Variants in PCCA observed in about 807,000 individuals in gnomAD.
The protein encoded by PCCA is propionyl-CoA carboxylase alpha chain, mitochondrial.
PCCA carries 74 observed loss-of-function variants against 101.3 expected under a neutral mutation model. The ratio of observed to expected loss-of-function variants is 0.73; its 90% CI spans 0.61 to 0.89. The LOEUF (loss-of-function observed/expected upper bound fraction) is 0.89, where lower values mean the gene tolerates loss of function less well. PCCA is among the 40% of genes least tolerant of loss of function. The probability of loss-of-function intolerance (pLI) is 0.00; values close to 1 mark genes in which losing one functional copy is unlikely to be tolerated. For synonymous variants in PCCA, 294 were observed against 313.6 expected, an observed-to-expected ratio of 0.94 and a Z score of 0.66; for missense variants, 891 against 907.0, an observed-to-expected ratio of 0.98 and a Z score of 0.23.
chr13:100,420,245 C>T (rs900359454), intron 19 of PCCA, among the ~76,000 whole-genome samples: 2 of 152,188 alleles, frequency 1.3e-5, no homozygotes, highest in African/African-American at 4.8e-5. Flanking sequence ...GCAAAACACT[C>T]ACTTTATAAT....
intron 8 of PCCA, among the ~76,000 whole-genome samples, chr13:100,239,861 C>T (rs1304531707): frequency 1.3e-5 from 2 of 152,198 alleles, no homozygotes; most frequent in East Asian, 3.9e-4. Context: ...TCAGGTCTAC[C>T]ATACTACAAA....
At chr13:100,333,590 C>T (rs967513492) in intron 17 of PCCA, among the ~76,000 whole-genome samples, 3 of 152,118 alleles carry the variant, frequency 2.0e-5, no homozygotes, top group Admixed American at 6.5e-5. Flanking sequence ...TGTTGAAAAG[C>T]GGTTTCCCTT....
At chr13:100,151,958 A>T (rs774086590) in intron 4 of PCCA, among the ~76,000 whole-genome samples, 2 of 140,552 alleles carry the variant, frequency 1.4e-5, no homozygotes, top group Non-Finnish European at 3.1e-5. Flanking sequence ...TAGCATCTGC[A>T]TTGCTTGAAT....
chr13:100,303,058 T>TAACA, intron 14 of PCCA, 60 bp downstream of exon 14: 1 of 943,282 alleles, frequency 1.1e-6, no homozygotes, highest in Non-Finnish European at 1.8e-6. Flanking sequence ...TGTCATACTT[T>TAACA]TATGTTAAAG....
rs2056659539 is a variant in PCCA, at chr13:100,180,168, G to GT, written c.468+22829dup. Among the ~76,000 whole-genome samples, 3 of 152,238 alleles carry GT rather than the reference G, an allele frequency of 2.0e-5. No homozygotes were observed. The South Asian group carries it at 6.2e-4, about 32-fold the overall frequency. On this transcript the variant is annotated intron_variant, in intron 6 of 23. Transcript: ENST00000376285. ...TAATGTGATGCACTTCTGTATCACTGTAACAACAGTGCATATCAGACTGAA... is the reference window on the plus strand; with the variant it reads ...TAATGTGATGCACTTCTGTATCACTGTTAACAACAGTGCATATCAGACTGAA...
chr13:100,483,534 T>G (rs562360453), intron 21 of PCCA, among the ~76,000 whole-genome samples: 14 of 152,328 alleles, frequency 9.2e-5, no homozygotes, highest in Non-Finnish European at 1.3e-4. Context: ...AAGTTAATAA[T>G]TGGTTCAGAA....
intron 18 of PCCA, among the ~76,000 whole-genome samples, chr13:100,346,904 C>T (rs1027902949): frequency 2.0e-5 from 3 of 151,744 alleles, no homozygotes; most frequent in Non-Finnish European, 4.4e-5. Context: ...GATGGAGTCT[C>T]GCTCTGTCGC....
intron 21 of PCCA, chr13:100,481,136 C>G (rs186739504): frequency 1.1e-4 from 17 of 152,316 alleles, no homozygotes; most frequent in Non-Finnish European, 1.9e-4. Context: ...TCTTAGCAAT[C>G]TCAGCATACT....
chr13:100,115,287 C>T (rs575398671), intron 4 of PCCA, among the ~76,000 whole-genome samples: 109 of 150,268 alleles, frequency 7.3e-4, no homozygotes, highest in African/African-American at 2.5e-3. Flanking sequence ...GTGTATGGAG[C>T]GGGAGGGGTG....
At chr13:100,273,806 C>T (rs966116196) in intron 12 of PCCA, among the ~76,000 whole-genome samples, 2 of 152,126 alleles carry the variant, frequency 1.3e-5, no homozygotes, top group African/African-American at 2.4e-5. Context: ...ACAGTGAGGA[C>T]GTTGAGAATC....
intron 14 of PCCA, 100 bp from the exon 15 acceptor site, chr13:100,307,092 A>C: frequency 1.3e-6 from 1 of 787,222 alleles, no homozygotes; most frequent in Non-Finnish European, 2.1e-6. Context: ...TTTGAGATTG[A>C]AATTCTCTAT....
At chr13:100,157,885 CAT>C (rs2054040350) in intron 6 of PCCA, among the ~76,000 whole-genome samples, 1 of 152,102 alleles carries the variant, frequency 6.6e-6, no homozygotes, top group African/African-American at 2.4e-5. Flanking sequence ...AATGTTTGTA[CAT>C]ATGTTTGTTA....
At chr13:100,435,116 T>C (rs2079832181) in intron 20 of PCCA, among the ~76,000 whole-genome samples, 1 of 152,198 alleles carries the variant, frequency 6.6e-6, no homozygotes, top group Admixed American at 6.5e-5. Context: ...CTGCATAATT[T>C]ATCAAGAAAA....
chr13:100,277,990 T>C (rs1377942475), intron 12 of PCCA, among the ~76,000 whole-genome samples: 3 of 152,208 alleles, frequency 2.0e-5, no homozygotes, highest in Non-Finnish European at 2.9e-5. Flanking sequence ...TGTAAATACT[T>C]GTAGCATTTT....
intron 10 of PCCA, among the ~76,000 whole-genome samples, chr13:100,263,401 A>C (rs2062661842): frequency 6.6e-6 from 1 of 152,242 alleles, no homozygotes; most frequent in Non-Finnish European, 1.5e-5. Context: ...AATTGATAAA[A>C]ACAAATGTCA....
At chr13:100,246,088 T>C (rs2061411437) in intron 8 of PCCA, among the ~76,000 whole-genome samples, 1 of 152,160 alleles carries the variant, frequency 6.6e-6, no homozygotes. Context: ...CTAGGGGGTG[T>C]GGGCTGCCCC....
At chr13:100,336,982 G>A (rs1280704608) in intron 17 of PCCA, among the ~76,000 whole-genome samples, 3 of 151,968 alleles carry the variant, frequency 2.0e-5, no homozygotes, top group Admixed American at 6.6e-5. Flanking sequence ...TATTCCACAT[G>A]CACCCAGCAG....
chr13:100,193,856 G>C (rs1413394141), intron 6 of PCCA, among the ~76,000 whole-genome samples: 1 of 152,172 alleles, frequency 6.6e-6, no homozygotes, highest in East Asian at 1.9e-4. Context: ...AAGGCAGGCA[G>C]ATCATGAGGT....
rs191524083 is a variant in PCCA at position 100,278,518 on chromosome 13, T to C, written c.1065+5172T>C. 8.3e-4 allele frequency among the ~76,000 whole-genome samples: 126 copies of C among 151,630 alleles called. 1 individual carries two copies. The highest frequency in any genetic ancestry group is 4.1e-3 in the Admixed American group (62 of 15,202). The stretch of plus-strand genomic sequence containing the variant: ...TTTTTTTTTAAACAGAGTCTCACTC[T>C]GTCACCAGGCTGGGGTGCAGTGGCG... On this transcript the variant is annotated intron_variant, in intron 12 of 23. Coordinates refer to ENST00000376285, the MANE Select transcript of PCCA (RefSeq NM_000282.4).
Sources: gnomAD v4.1 joint callset for allele counts (sites outside exome capture counted in the v4.1 genomes callset) on GRCh38, gnomAD v4.1.1 for gene constraint, MANE v1.5 for transcripts, NCBI Gene and HGNC (gene_info 2026-07-23, HGNC 2026-07-21) for gene names.